The following ZMYM2 variants were observed in gnomAD, a reference collection of about 807,000 sequenced individuals.
The protein encoded by ZMYM2 is zinc finger MYM-type containing 2.
Under a neutral mutation model 162.8 loss-of-function variants are expected in ZMYM2, and 56 were observed. The observed-to-expected ratio is 0.34, with a 90% CI of 0.28 to 0.43. The LOEUF (loss-of-function observed/expected upper bound fraction) is 0.43, where lower values mean the gene tolerates loss of function less well. ZMYM2 is among the 20% of genes least tolerant of loss of function. ZMYM2 has a pLI of 1.00. For missense variants in ZMYM2, 1,275 were observed against 1,621.8 expected (o/e 0.79, Z 3.67); for synonymous variants, 510 against 541.6 (o/e 0.94, Z 0.81).
intron 3 of ZMYM2, 144 bp from the exon 4 acceptor site, chr13:20,002,706 C>T (rs1950486609): frequency 3.1e-6 from 3 of 970,916 alleles, no homozygotes; most frequent in Non-Finnish European, 4.5e-6. Flanking sequence ...AAAACTTGTG[C>T]TATATACCTC....
the ZMYM2 span, among the ~76,000 whole-genome samples, chr13:19,886,630 G>T: frequency 2.6e-5 from 4 of 151,396 alleles, no homozygotes; most frequent in African/African-American, 9.7e-5. Flanking sequence ...TTTCACTCAG[G>T]TTTTTTTGTT....
At chr13:19,989,106 TC>T (rs1949404981) in intron 2 of ZMYM2, among the ~76,000 whole-genome samples, 1 of 152,216 alleles carries the variant, frequency 6.6e-6, no homozygotes, top group Non-Finnish European at 1.5e-5. Context: ...AGAGTTTTTT[TC>T]CCCCCATGAA....
chr13:20,061,005 A>G, intron 16 of ZMYM2, 48 bp from the exon 17 acceptor site: 1 of 1,535,928 alleles, frequency 6.5e-7, no homozygotes, highest in Non-Finnish European at 8.8e-7. Context: ...TTGGAAAAAT[A>G]CCTTTTAATG....
At chr13:20,030,357 A>T (rs1952983002) in intron 9 of ZMYM2, among the ~76,000 whole-genome samples, 1 of 150,396 alleles carries the variant, frequency 6.6e-6, no homozygotes, top group African/African-American at 2.5e-5. Context: ...TCAGCCTCCC[A>T]AGTAGCTGGG....
At chr13:20,004,060 C>G (rs1390441674) in intron 4 of ZMYM2, among the ~76,000 whole-genome samples, 1 of 152,158 alleles carries the variant, frequency 6.6e-6, no homozygotes, top group Non-Finnish European at 1.5e-5. Context: ...TGGAGCAGCT[C>G]AATTCTCCGA....
the ZMYM2 span, among the ~76,000 whole-genome samples, chr13:19,926,156 T>C: frequency 1.3e-5 from 2 of 151,478 alleles, no homozygotes. Flanking sequence ...AGATGGGGTT[T>C]CACCATGTTG....
intron 9 of ZMYM2, 24 bp from the exon 10 acceptor site, chr13:20,031,295 A>G: frequency 6.7e-7 from 1 of 1,501,800 alleles, no homozygotes; most frequent in Non-Finnish European, 9.2e-7. Flanking sequence ...TGTCAGGCTT[A>G]GTATCTTTTG....
chr13:19,883,973 T>G, the ZMYM2 span, among the ~76,000 whole-genome samples: 1 of 152,198 alleles, frequency 6.6e-6, no homozygotes, highest in Non-Finnish European at 1.5e-5. Flanking sequence ...CGCAGAATGG[T>G]CTCAAACTCT....
the ZMYM2 span, among the ~76,000 whole-genome samples, chr13:19,878,131 C>T: frequency 6.6e-6 from 1 of 151,622 alleles, no homozygotes; most frequent in Admixed American, 6.6e-5. Context: ...CAGCTCACTG[C>T]AACCTCAGCC....
chr13:19,880,772 A>T, the ZMYM2 span, among the ~76,000 whole-genome samples: 3 of 152,136 alleles, frequency 2.0e-5, no homozygotes, highest in African/African-American at 7.2e-5. Flanking sequence ...GTTCACTGTT[A>T]GTGTGTAGAA....
At chr13:19,940,717 C>G in the ZMYM2 span, among the ~76,000 whole-genome samples, 1 of 152,150 alleles carries the variant, frequency 6.6e-6, no homozygotes, top group South Asian at 2.1e-4. Flanking sequence ...CTAGGTAGAA[C>G]CAGACATTTT....
intron 2 of ZMYM2, among the ~76,000 whole-genome samples, chr13:19,961,995 T>C (rs1451040412): frequency 6.6e-6 from 1 of 152,324 alleles, no homozygotes; most frequent in East Asian, 1.9e-4. Flanking sequence ...CTTTCTAATA[T>C]CTGTTCCCTC....
the ZMYM2 span, among the ~76,000 whole-genome samples, chr13:19,919,686 T>C: frequency 6.6e-6 from 1 of 151,572 alleles, no homozygotes; most frequent in Non-Finnish European, 1.5e-5. Flanking sequence ...TTTTCTTTTT[T>C]TTTTTTTTGA....
At chr13:20,018,714 A>G (rs919718600) in intron 6 of ZMYM2, among the ~76,000 whole-genome samples, 6 of 152,188 alleles carry the variant, frequency 3.9e-5, no homozygotes, top group Admixed American at 3.3e-4. Flanking sequence ...TATCTTTTAA[A>G]ACTTTTGTGC....
At chr13:20,028,591 A>T (rs1952787644) in intron 9 of ZMYM2, among the ~76,000 whole-genome samples, 1 of 152,170 alleles carries the variant, frequency 6.6e-6, no homozygotes, top group Admixed American at 6.5e-5. Flanking sequence ...CCTCCTGCAG[A>T]TATAAAATTC....
chr13:20,084,313 T>C (rs532904650), intron 24 of ZMYM2, among the ~76,000 whole-genome samples: 2 of 152,310 alleles, frequency 1.3e-5, no homozygotes, highest in African/African-American at 4.8e-5. Context: ...GCGCCTGTCA[T>C]TGTCTTTTAA....
chr13:20,061,977 A>G (rs974140437), intron 17 of ZMYM2, among the ~76,000 whole-genome samples: 2 of 152,236 alleles, frequency 1.3e-5, no homozygotes, highest in South Asian at 2.1e-4. Flanking sequence ...CTTGCGCTAC[A>G]TGGTATAACG....
chr13:19,897,744 A>G, the ZMYM2 span, among the ~76,000 whole-genome samples: 2 of 152,028 alleles, frequency 1.3e-5, no homozygotes, highest in African/African-American at 4.8e-5. Flanking sequence ...CATATTTATG[A>G]TATGTGTATA....
intron 14 of ZMYM2, among the ~76,000 whole-genome samples, chr13:20,056,712 G>A (rs73440160): frequency 8.4e-4 from 126 of 150,726 alleles, no homozygotes; most frequent in African/African-American, 3.1e-3. Flanking sequence ...AAAACATAAT[G>A]TGCATCACAC....
Sources: allele counts gnomAD v4.1 joint callset (sites outside exome capture counted in the v4.1 genomes callset), GRCh38; gene constraint gnomAD v4.1.1; transcripts MANE v1.5; gene names NCBI Gene and HGNC (gene_info 2026-07-23, HGNC 2026-07-21).